ATG14: variants seen among roughly 807,000 people sequenced by gnomAD.
The protein encoded by ATG14 is beclin 1-associated autophagy-related key regulator.
A neutral mutation model predicts 60.4 loss-of-function variants in ATG14; 35 were observed. The observed-to-expected ratio is 0.58, with a 90% CI of 0.44 to 0.77. ATG14 has a LOEUF of 0.77. ATG14 is among the 30% of genes least tolerant of loss of function. The probability of loss-of-function intolerance (pLI) is 0.00; values close to 1 mark genes in which losing one functional copy is unlikely to be tolerated. For missense variants in ATG14, 647 were observed against 626.3 expected (o/e 1.03, Z -0.35); for synonymous variants, 234 against 228.8 (o/e 1.02, Z -0.21).
rs1179075711 is a variant in ATG14, at chr14:55,380,609, A to G, written c.959T>C (p.Ile320Thr). 14 of 1,613,238 alleles carry G rather than the reference A, an allele frequency of 8.7e-6. No individual in the cohort carries two copies. Among genetic ancestry groups the G allele is most frequent in the Non-Finnish European group, 1.1e-5 (13 of 1,179,578 alleles). The part of the protein sequence containing the change: ...ATQLVNILSH[I>T]LDVNLPKKLC... ...CTTTTTGGGAAGATTTACATCAAGT[A>G]TATGAGACAGAATGTTGACCAGCTG... is the stretch of plus-strand genomic sequence containing the variant. Residue 320 changes from isoleucine to threonine, a missense_variant, in exon 7 of 10, where the codon ATA (isoleucine) becomes ACA (threonine). Ile to Thr is a moderately conservative substitution (Grantham distance 89). Coordinates refer to ENST00000247178, the MANE Select transcript of ATG14 (RefSeq NM_014924.5).
intron 9 of ATG14, among the ~76,000 whole-genome samples, chr14:55,374,358 C>A (rs1884879996): frequency 6.6e-6 from 1 of 152,150 alleles, no homozygotes; most frequent in African/African-American, 2.4e-5. Context: ...GTGTGAGCCG[C>A]ATGTTTTAAT....
chr14:55,385,372 G>A (rs562492253), intron 5 of ATG14, among the ~76,000 whole-genome samples: 1 of 152,150 alleles, frequency 6.6e-6, no homozygotes, highest in Admixed American at 6.5e-5. Context: ...GGCTCACTGC[G>A]ACCTCGGCCT....
rs747751836 is a variant in ATG14, at chr14:55,411,630, C to G, written c.193G>C (p.Val65Leu). 3 of 1,612,438 alleles carry G rather than the reference C, an allele frequency of 1.9e-6. No homozygotes were observed. Among genetic ancestry groups the G allele is most frequent in the Non-Finnish European group, 2.5e-6 (3 of 1,179,704 alleles). The change falls in exon 1 of 10, where the codon GTC (valine) becomes CTC (leucine). Residue 65 changes from valine to leucine, a missense_variant. By Grantham distance (32) the Val-to-Leu change is conservative (BLOSUM62 1). Transcript: ENST00000247178. ...CAKCVQSGDF[V>L]YFDGRDRERF... The stretch of plus-strand genomic sequence containing the variant: ...TCCCGGTCGCGGCCGTCGAAGTAGA[C>G]GAAATCGCCGCTCTGAACGCATTTG...
Position 55,385,441 on chromosome 14 carries a change from C to T in ATG14, c.647+418G>A, listed in dbSNP as rs1367317649. Among the ~76,000 whole-genome samples, 7 of 152,140 alleles carry T rather than the reference C, an allele frequency of 4.6e-5. 1 individual carries two copies. The South Asian group carries it at 6.2e-4, about 14-fold the overall frequency. ...CTGAGTAGCTGGGACTACAGGCACG[C>T]GCCACCACGCCTGGCTAATTTTTGT... On this transcript the variant is annotated intron_variant, in intron 5 of 9. Transcript: ENST00000247178.
intron 9 of ATG14, among the ~76,000 whole-genome samples, chr14:55,377,044 T>C (rs1884930670): frequency 6.6e-6 from 1 of 152,126 alleles, no homozygotes; most frequent in South Asian, 2.1e-4. Flanking sequence ...TCAGATTGAC[T>C]CAGTGATAAG....
intron 2 of ATG14, 82 bp downstream of exon 2, chr14:55,397,290 T>C: frequency 1.7e-6 from 2 of 1,177,566 alleles, no homozygotes; most frequent in Non-Finnish European, 2.5e-6. Flanking sequence ...GCAATCCGTA[T>C]ATCTGCATAC....
chr14:55,380,803 G>C, intron 6 of ATG14, 113 bp from the exon 7 acceptor site: 1 of 516,568 alleles, frequency 1.9e-6, no homozygotes, highest in Admixed American at 3.4e-5. Flanking sequence ...ACGTTTTAGT[G>C]CTTCCTTAAT....
chr14:55,396,103 G>C, intron 2 of ATG14, 121 bp from the exon 3 acceptor site: 1 of 649,364 alleles, frequency 1.5e-6, no homozygotes, highest in Non-Finnish European at 2.4e-6. Context: ...ATCAAAACGG[G>C]ACTTAGCATT....
At position 55,367,450 on chromosome 14, in the gene ATG14, A is replaced by C. The variant is rs1884705582; in HGVS notation, c.*2169T>G. 6.6e-6 allele frequency: 1 copy of C among 152,236 alleles called. No individual in the cohort carries two copies. The highest frequency in any genetic ancestry group is 1.5e-5 in the Non-Finnish European group (1 of 68,068). 9.4% of individuals were successfully genotyped at this position (152,236 alleles called of 1,614,324 possible). On this transcript the variant is annotated 3_prime_UTR_variant, in exon 10 of 10. Transcript: ENST00000247178. The stretch of plus-strand genomic sequence containing the variant: ...AACAGAGATCCCAGCAGTGTAGAAG[A>C]ACCCATAAGGGGCCGGGCGCGGTGG...
chr14:55,402,599 C>T (rs1423560005), intron 1 of ATG14, among the ~76,000 whole-genome samples: 1 of 151,672 alleles, frequency 6.6e-6, no homozygotes, highest in East Asian at 1.9e-4. Context: ...TATGAGTATG[C>T]TTTTATTCTT....
At chr14:55,390,388 C>A (rs1262765669) in intron 4 of ATG14, among the ~76,000 whole-genome samples, 1 of 149,652 alleles carries the variant, frequency 6.7e-6, no homozygotes. Flanking sequence ...TTATTTTTTT[C>A]TTTTGAGACA....
chr14:55,373,153 T>C (rs1884855416), intron 9 of ATG14, among the ~76,000 whole-genome samples: 1 of 152,178 alleles, frequency 6.6e-6, no homozygotes, highest in Admixed American at 6.5e-5. Flanking sequence ...GCTTAATGTC[T>C]TTGGGGAATT....
chr14:55,396,245 C>T (rs78302097), intron 2 of ATG14, among the ~76,000 whole-genome samples: 2,113 of 152,298 alleles, frequency 0.014, 57 homozygotes, highest in African/African-American at 0.048. Context: ...CCTTTGTCCT[C>T]AGTCATCATC....
Position 55,382,163 on chromosome 14 carries a change from C to T in ATG14, c.676G>A (p.Asp226Asn), listed in dbSNP as rs369842762. ...ACAGTGCTGGAGGTCATGGCACTGTCACTCTCTGAAGACACATCTGCGGGG... is the reference window on the plus strand; with the variant it reads ...ACAGTGCTGGAGGTCATGGCACTGTTACTCTCTGAAGACACATCTGCGGGG... ...RDPADVSSES[D>N]SAMTSSTVSK... is the part of the protein sequence containing the mutation. The change falls in exon 6 of 10, where the codon GAC (aspartate) becomes AAC (asparagine). Residue 226 changes from aspartate (D) to asparagine (N), a missense_variant. Transcript: ENST00000247178. The T allele has an allele frequency of 6.2e-7, 1 of 1,614,120 alleles. No homozygotes were observed. The highest frequency in any genetic ancestry group is 8.5e-7 in the Non-Finnish European group (1 of 1,180,014).
intron 4 of ATG14, among the ~76,000 whole-genome samples, chr14:55,388,534 G>T (rs76072059): frequency 0.058 from 8,860 of 152,192 alleles, 325 homozygotes; most frequent in South Asian, 0.09. Flanking sequence ...ACACTGCAAT[G>T]GCATATAACC....
intron 1 of ATG14, among the ~76,000 whole-genome samples, chr14:55,409,940 T>A (rs921153695): frequency 2.6e-5 from 4 of 151,970 alleles, no homozygotes; most frequent in East Asian, 1.9e-4. Context: ...TTGGACCAGG[T>A]GATGGTGAAA....
chr14:55,405,489 G>T (rs1885473827), intron 1 of ATG14, among the ~76,000 whole-genome samples: 1 of 152,142 alleles, frequency 6.6e-6, no homozygotes, highest in Non-Finnish European at 1.5e-5. Flanking sequence ...CATACAATTT[G>T]TCTCTCTTTT....
At chr14:55,373,796 A>G (rs1378925740) in intron 9 of ATG14, among the ~76,000 whole-genome samples, 3 of 138,256 alleles carry the variant, frequency 2.2e-5, no homozygotes, top group Admixed American at 1.4e-4. Context: ...GTAAGTTTAA[A>G]TTTGTTTCAA....
In ATG14 at chr14:55,376,025, G is replaced by A. The variant is rs560194005; in HGVS notation, c.1172+1794C>T. Among the ~76,000 whole-genome samples the A allele has an allele frequency of 1.6e-4, 25 of 152,230 alleles. 1 individual carries two copies. The highest frequency in any genetic ancestry group is 5.3e-4 in the African/African-American group (22 of 41,552). Reference sequence around the variant, plus strand: ...AATTCTCTTTGGCATCTATCAGGTCGATCTTATGTTTTTTCTTCTTTAATC... The same window carrying A: ...AATTCTCTTTGGCATCTATCAGGTCAATCTTATGTTTTTTCTTCTTTAATC... On this transcript the variant is annotated intron_variant, in intron 9 of 9. Coordinates refer to ENST00000247178, the MANE Select transcript of ATG14 (RefSeq NM_014924.5).
Sources: allele counts gnomAD v4.1 joint callset (sites outside exome capture counted in the v4.1 genomes callset), GRCh38; gene constraint gnomAD v4.1.1; transcripts MANE v1.5; gene names NCBI Gene and HGNC (gene_info 2026-07-23, HGNC 2026-07-21).